PBX3: variants seen among roughly 807,000 people sequenced by gnomAD.
PBX3 encodes pre-B-cell leukemia transcription factor 3.
Under a neutral mutation model 48.5 loss-of-function variants are expected in PBX3, and 14 were observed. The ratio of observed to expected loss-of-function variants is 0.29; its 90% CI spans 0.19 to 0.45. The LOEUF is 0.45. Ranked by LOEUF, PBX3 falls within the 20% of genes least tolerant of loss-of-function variation. PBX3 has a pLI of 1.00. For missense variants in PBX3, 386 were observed against 546.7 expected, an observed-to-expected ratio of 0.71 and a Z score of 2.93; for synonymous variants, 210 against 200.3, an observed-to-expected ratio of 1.05 and a Z score of -0.41.
At chr9:125,878,474 C>T (rs1159752291) in intron 2 of PBX3, among the ~76,000 whole-genome samples, 1 of 152,212 alleles carries the variant, frequency 6.6e-6, no homozygotes, top group East Asian at 1.9e-4. Context: ...ACCCTTCAGA[C>T]TGTAACCAAA....
intron 2 of PBX3, among the ~76,000 whole-genome samples, chr9:125,888,931 G>T (rs1216501719): frequency 6.6e-6 from 1 of 152,168 alleles, no homozygotes; most frequent in African/African-American, 2.4e-5. Context: ...GGATGATTAT[G>T]AGTATGAAGT....
chr9:125,787,977 T>C (rs1349812101), intron 2 of PBX3, among the ~76,000 whole-genome samples: 1 of 152,192 alleles, frequency 6.6e-6, no homozygotes, highest in Admixed American at 6.5e-5. Flanking sequence ...TAAGGCTAGG[T>C]TGTTGGTTGA....
chr9:125,755,986 G>A (rs1206862077), intron 2 of PBX3, among the ~76,000 whole-genome samples: 6 of 151,986 alleles, frequency 3.9e-5, no homozygotes, highest in Middle Eastern at 3.4e-3. Context: ...TCTCAGAAGT[G>A]TAAACTTCTG....
intron 2 of PBX3, among the ~76,000 whole-genome samples, chr9:125,883,360 G>A (rs780555884): frequency 1.3e-5 from 2 of 152,182 alleles, no homozygotes; most frequent in Non-Finnish European, 2.9e-5. Context: ...ACCAGATACT[G>A]TCATGAAAAC....
intron 2 of PBX3, among the ~76,000 whole-genome samples, chr9:125,755,919 T>G (rs1199455079): frequency 2.6e-5 from 4 of 152,044 alleles, no homozygotes; most frequent in Non-Finnish European, 5.9e-5. Flanking sequence ...CTAGTCTTTT[T>G]TTTCCTAAAA....
rs1385737651 is a variant in PBX3 at position 125,821,836 on chromosome 9, C to T, written c.274+73213C>T. 2.0e-5 allele frequency among the ~76,000 whole-genome samples: 3 copies of T among 151,942 alleles called. 1 individual carries two copies. The South Asian group carries it at 6.2e-4, about 32-fold the overall frequency. On this transcript the variant is annotated intron_variant, in intron 2 of 8. Coordinates refer to ENST00000373489, the MANE Select transcript of PBX3 (RefSeq NM_006195.6). Reference sequence around the variant, plus strand: ...CATTCTTGACTGTATTGTTGTTTTACCCCTTAAAGGCTGCTAATGAGAAAT... The same window carrying T: ...CATTCTTGACTGTATTGTTGTTTTATCCCTTAAAGGCTGCTAATGAGAAAT...
intron 2 of PBX3, among the ~76,000 whole-genome samples, chr9:125,859,639 C>A (rs1839810791): frequency 6.6e-6 from 1 of 152,092 alleles, no homozygotes; most frequent in African/African-American, 2.4e-5. Context: ...ATTTCAAAAC[C>A]CACAGGATAC....
At chr9:125,765,292 G>A (rs1326267775) in intron 2 of PBX3, among the ~76,000 whole-genome samples, 1 of 151,766 alleles carries the variant, frequency 6.6e-6, no homozygotes, top group Non-Finnish European at 1.5e-5. Context: ...AAGACTACAG[G>A]CGCGCGCCAC....
At chr9:125,793,244 C>T (rs552343581) in intron 2 of PBX3, among the ~76,000 whole-genome samples, 1 of 149,520 alleles carries the variant, frequency 6.7e-6, no homozygotes, top group Non-Finnish European at 1.5e-5. Context: ...CCCAGCTACT[C>T]GGGATGCTGA....
At chr9:125,783,622 CTCTGTTTTTGTTAAAACATCAT>C (rs1165062257) in intron 2 of PBX3, among the ~76,000 whole-genome samples, 4 of 152,096 alleles carry the variant, frequency 2.6e-5, no homozygotes, top group African/African-American at 7.2e-5. Flanking sequence ...TTTGCTAATA[CTCTGTTTTTGTTAAAACATCAT>C]TCTCCTGGTT....
chr9:125,747,392 G>C lies in PBX3; in HGVS notation c.-62G>C. 2.7e-6 allele frequency: 2 copies of C among 730,046 alleles called. No individual in the cohort carries two copies. The highest frequency in any genetic ancestry group is 1.7e-6 in the Non-Finnish European group (1 of 578,610). 45.2% of individuals were successfully genotyped at this position (730,046 alleles called of 1,614,324 possible). ...TTTCTTCTCCTCCCTCGTCGCCGCC[G>C]CCGCCGCCGCCGCCTCAGCCTTCGC... On this transcript the variant is annotated 5_prime_UTR_variant, in exon 1 of 9. Transcript: ENST00000373489.
intron 2 of PBX3, among the ~76,000 whole-genome samples, chr9:125,858,665 G>T (rs1318870149): frequency 3.5e-5 from 4 of 114,254 alleles, no homozygotes; most frequent in Non-Finnish European, 5.1e-5. Context: ...CACTCTTGTT[G>T]CCCAGGCTGG....
chr9:125,853,282 TC>T (rs1399839120), intron 2 of PBX3, among the ~76,000 whole-genome samples: 2 of 152,224 alleles, frequency 1.3e-5, no homozygotes, highest in African/African-American at 2.4e-5. Flanking sequence ...AGCCATGATT[TC>T]CTCAAGTATT....
chr9:125,965,776 G>A (rs1422619306), intron 8 of PBX3, 55 bp from the exon 9 acceptor site: 2 of 1,298,846 alleles, frequency 1.5e-6, no homozygotes, highest in Non-Finnish European at 2.2e-6. Context: ...TTTTAAATTG[G>A]GGAGTAGAAT....
chr9:125,851,520 C>G (rs1159059242), intron 2 of PBX3, among the ~76,000 whole-genome samples: 2 of 152,020 alleles, frequency 1.3e-5, no homozygotes, highest in Non-Finnish European at 2.9e-5. Flanking sequence ...TCTTTTTTAA[C>G]ACGTTTGTTG....
intron 2 of PBX3, among the ~76,000 whole-genome samples, chr9:125,751,226 C>T (rs1244673912): frequency 6.6e-6 from 1 of 152,064 alleles, no homozygotes; most frequent in East Asian, 1.9e-4. Flanking sequence ...CTCTATTCTG[C>T]TTAATGAAGG....
chr9:125,875,292 C>G (rs367871933), intron 2 of PBX3, among the ~76,000 whole-genome samples: 17 of 151,954 alleles, frequency 1.1e-4, no homozygotes, highest in African/African-American at 4.1e-4. Context: ...TTGAGCTTTT[C>G]TCATTAGTAC....
intron 2 of PBX3, among the ~76,000 whole-genome samples, chr9:125,813,460 T>C (rs1305543646): frequency 6.6e-6 from 1 of 152,224 alleles, no homozygotes; most frequent in African/African-American, 2.4e-5. Context: ...TAACAGTAAA[T>C]GCAAACCCCA....
chr9:125,796,942 G>A (rs1370206189), intron 2 of PBX3, among the ~76,000 whole-genome samples: 1 of 151,998 alleles, frequency 6.6e-6, no homozygotes, highest in African/African-American at 2.4e-5. Flanking sequence ...TTTAGATTTA[G>A]AATGTTAATG....
Sources: allele counts gnomAD v4.1 joint callset (sites outside exome capture counted in the v4.1 genomes callset), GRCh38; gene constraint gnomAD v4.1.1; transcripts MANE v1.5; gene names NCBI Gene and HGNC (gene_info 2026-07-23, HGNC 2026-07-21).